The following CRK variants were observed in gnomAD, a reference collection of about 807,000 sequenced individuals.
The protein encoded by CRK is adapter molecule crk.
Under a neutral mutation model 29.8 loss-of-function variants are expected in CRK, and 4 were observed. The ratio of observed to expected loss-of-function variants is 0.13; its 90% CI spans 0.07 to 0.31. The LOEUF is 0.31. Among genes scored for constraint, CRK ranks in the 10% least tolerant of loss-of-function variants. The probability of loss-of-function intolerance (pLI) is 1.00; values close to 1 mark genes in which losing one functional copy is unlikely to be tolerated. For synonymous variants in CRK, 153 were observed against 164.9 expected (o/e 0.93, Z 0.55); for missense variants, 274 against 396.5 (o/e 0.69, Z 2.62).
rs191909269 is a variant in CRK, at chr17:1,428,347, G to C, written c.778-4697C>G. The stretch of plus-strand genomic sequence containing the variant: ...GTGGGCAGGATGGTCTCGATCTCCT[G>C]ACTTCATGATCTGCCTACCTCGGCC... On this transcript the variant is annotated intron_variant, in intron 2 of 2. Transcript: ENST00000300574. Among the ~76,000 whole-genome samples the C allele has an allele frequency of 7.1e-3, 1,083 of 151,552 alleles. 16 individuals carry two copies. Among genetic ancestry groups the C allele is most frequent in the African/African-American group, 0.025 (1,040 of 41,306 alleles).
Position 1,437,139 on chromosome 17 carries a change from T to A in CRK, c.258A>T (p.Arg86Ser). 1.9e-6 allele frequency: 3 copies of A among 1,608,112 alleles called. No individual in the cohort carries two copies. Among genetic ancestry groups the A allele is most frequent in the Non-Finnish European group, 2.6e-6 (3 of 1,175,968 alleles). Residue 86 changes from arginine to serine, a missense_variant, in exon 2 of 3, where the codon AGA (arginine) becomes AGT (serine). By Grantham distance (110) the Arg-to-Ser change is moderately radical (BLOSUM62 -1). Coordinates refer to ENST00000300574, the MANE Select transcript of CRK (RefSeq NM_016823.4). ...CAAACTCTTGATCTCCTATTCGGAG[T>A]CTGGAGGGGCTCACCCCTGGAAAAA... Reference protein sequence around the residue: ...AQPPPGVSPSRLRIGDQEFDS... With the variant: ...AQPPPGVSPSSLRIGDQEFDS...
rs145016696 is a variant in CRK at position 1,423,783 on chromosome 17, T to G, written c.778-133A>C. The G allele has an allele frequency of 4.7e-3, 5,149 of 1,088,206 alleles. 20 individuals carry two copies. The highest frequency in any genetic ancestry group is 5.8e-3 in the Non-Finnish European group (4,437 of 770,742). The allele number at this position is 1,088,206 out of a possible 1,614,324, so 67.4% of individuals were successfully genotyped here. On this transcript the variant is annotated intron_variant, in intron 2 of 2. Transcript: ENST00000300574. ...ATTACAGAAATGGCCATTTGCTGCC[T>G]CCCCAGCCCCAGCCACCAGACTGAT...
intron 2 of CRK, among the ~76,000 whole-genome samples, chr17:1,428,368 C>T (rs376440610): frequency 1.1e-4 from 17 of 151,608 alleles, no homozygotes; most frequent in African/African-American, 3.6e-4. Context: ...CTGCCTACCT[C>T]GGCCTCCCAA....
chr17:1,451,188 G>T (rs2150914271), intron 1 of CRK, among the ~76,000 whole-genome samples: 1 of 16,138 alleles, frequency 6.2e-5, no homozygotes, highest in Admixed American at 8.3e-4. Context: ...GCGAGAAACT[G>T]TCTCAAAAAA....
chr17:1,437,395 T>A (rs938425892), intron 1 of CRK, among the ~76,000 whole-genome samples: 6 of 151,888 alleles, frequency 4.0e-5, no homozygotes, highest in African/African-American at 1.2e-4. Flanking sequence ...TTAGTCAAGA[T>A]TTAATCAGCA....
chr17:1,451,557 T>C (rs2074018518), intron 1 of CRK, among the ~76,000 whole-genome samples: 1 of 151,922 alleles, frequency 6.6e-6, no homozygotes. Context: ...TTAATTCTGG[T>C]CTTTAAAAAA....
chr17:1,443,260 G>C, intron 1 of CRK, among the ~76,000 whole-genome samples: 1 of 152,188 alleles, frequency 6.6e-6, no homozygotes, highest in Non-Finnish European at 1.5e-5. Context: ...GGGATTACAG[G>C]TGTGAGCCAC....
In CRK at chr17:1,444,349, G is replaced by A. The variant is rs192177652; in HGVS notation, c.242-7194C>T. 3.9e-5 allele frequency among the ~76,000 whole-genome samples: 6 copies of A among 152,166 alleles called. No individual in the cohort carries two copies. In the East Asian group the frequency reaches 9.7e-4, roughly 25 times the overall value. ...TTAGAAACATCCTGGCTAACACACAGTAAGAACCCATCTCTACCGAAAAAA... is the reference window on the plus strand; with the variant it reads ...TTAGAAACATCCTGGCTAACACACAATAAGAACCCATCTCTACCGAAAAAA... On this transcript the variant is annotated intron_variant, in intron 1 of 2. Coordinates refer to ENST00000300574, the MANE Select transcript of CRK (RefSeq NM_016823.4).
chr17:1,426,776 T>C (rs2073782685), intron 2 of CRK, among the ~76,000 whole-genome samples: 1 of 152,052 alleles, frequency 6.6e-6, no homozygotes, highest in African/African-American at 2.4e-5. Context: ...GGCAGTGAAC[T>C]GCTTGAACCT....
chr17:1,427,915 C>T (rs899373516), intron 2 of CRK, among the ~76,000 whole-genome samples: 23 of 151,632 alleles, frequency 1.5e-4, no homozygotes. Context: ...TTACAGGCAT[C>T]AGCCACCGCG....
At position 1,448,153 on chromosome 17, in the gene CRK, T is replaced by C. The variant is rs112887116; in HGVS notation, c.241+7724A>G. 1.9e-4 allele frequency among the ~76,000 whole-genome samples: 29 copies of C among 151,294 alleles called. 1 individual carries two copies. The highest frequency in any genetic ancestry group is 6.8e-4 in the African/African-American group (28 of 41,272). On this transcript the variant is annotated intron_variant, in intron 1 of 2. Coordinates refer to ENST00000300574, the MANE Select transcript of CRK (RefSeq NM_016823.4). ...GGCCACTGGTTTCCATCTGAGAAGATATATGGTCTCCTAAGCAAATAGAAT... is the reference window on the plus strand; with the variant it reads ...GGCCACTGGTTTCCATCTGAGAAGACATATGGTCTCCTAAGCAAATAGAAT...
intron 1 of CRK, among the ~76,000 whole-genome samples, chr17:1,449,507 A>G (rs2074002128): frequency 2.0e-5 from 3 of 152,006 alleles, no homozygotes; most frequent in Admixed American, 1.3e-4. Context: ...TCCCTCCTTC[A>G]CAGATGAGGA....
intron 2 of CRK, among the ~76,000 whole-genome samples, chr17:1,434,220 C>A (rs958351743): frequency 6.6e-6 from 1 of 152,064 alleles, no homozygotes; most frequent in Non-Finnish European, 1.5e-5. Flanking sequence ...CAAATGAGGA[C>A]AATTCAGCCT....
chr17:1,434,708 G>A (rs552676330), intron 2 of CRK, among the ~76,000 whole-genome samples: 17 of 151,426 alleles, frequency 1.1e-4, no homozygotes, highest in African/African-American at 3.6e-4. Flanking sequence ...ACTTGAACCT[G>A]GGAGGCGGAG....
chr17:1,439,727 C>T (rs1274012023), intron 1 of CRK, among the ~76,000 whole-genome samples: 2 of 152,064 alleles, frequency 1.3e-5, no homozygotes, highest in African/African-American at 2.4e-5. Flanking sequence ...TTTGTAGTCC[C>T]AGCTACTCAG....
intron 1 of CRK, among the ~76,000 whole-genome samples, chr17:1,455,177 T>C (rs1224190991): frequency 2.6e-5 from 4 of 152,252 alleles, no homozygotes; most frequent in Non-Finnish European, 5.9e-5. Flanking sequence ...GACAGTCTTC[T>C]GGACGCTTAG....
chr17:1,440,242 T>C (rs2073923784), intron 1 of CRK, among the ~76,000 whole-genome samples: 1 of 150,098 alleles, frequency 6.7e-6, no homozygotes, highest in African/African-American at 2.5e-5. Flanking sequence ...GAGCTTGCGG[T>C]GAGCCGAGAT....
rs1030657379 is a variant in CRK, at chr17:1,421,910, G to A, written c.*1603C>T. ...GTGCCTTTATAGACTGAGAACTAAC[G>A]TGGAAGTTTCATGCTGTCGTCTAAA... On this transcript the variant is annotated 3_prime_UTR_variant, in exon 3 of 3. Transcript: ENST00000300574. 1.3e-5 allele frequency: 2 copies of A among 152,080 alleles called. No individual in the cohort carries two copies. Among genetic ancestry groups the A allele is most frequent in the Non-Finnish European group, 1.5e-5 (1 of 68,030 alleles). 9.4% of individuals were successfully genotyped at this position (152,080 alleles called of 1,614,324 possible).
At position 1,432,422 on chromosome 17, in the gene CRK, G is replaced by A. The variant is rs189314027; in HGVS notation, c.777+4198C>T. ...GAGAATCACTTGAACCCAGGAGGCA[G>A]AGTGAGATCACGCCACTGTACTCCA... On this transcript the variant is annotated intron_variant, in intron 2 of 2. Transcript: ENST00000300574. 1.5e-3 allele frequency among the ~76,000 whole-genome samples: 222 copies of A among 145,512 alleles called. 2 individuals carry two copies. Among genetic ancestry groups the A allele is most frequent in the African/African-American group, 5.5e-3 (213 of 38,960 alleles).
Sources: gnomAD v4.1 joint callset for allele counts (sites outside exome capture counted in the v4.1 genomes callset) on GRCh38, gnomAD v4.1.1 for gene constraint, MANE v1.5 for transcripts, NCBI Gene and HGNC (gene_info 2026-07-23, HGNC 2026-07-21) for gene names.